The following SPAG16 variants were observed in gnomAD, a reference collection of about 807,000 sequenced individuals.
The protein encoded by SPAG16 is sperm-associated antigen 16 protein.
A neutral mutation model predicts 80.4 loss-of-function variants in SPAG16; 86 were observed. The ratio of observed to expected loss-of-function variants is 1.07; its 90% confidence interval spans 0.90 to 1.28. The LOEUF is 1.28. Ranked by LOEUF, SPAG16 falls within the 50% of genes most tolerant of loss-of-function variation. The pLI is 0.00. For missense variants in SPAG16, 870 were observed against 765.3 expected, an observed-to-expected ratio of 1.14 and a Z score of -1.61; for synonymous variants, 294 against 265.9, an observed-to-expected ratio of 1.11 and a Z score of -1.03.
chr2:214,042,841 G>A (rs1019479332), intron 13 of SPAG16, among the ~76,000 whole-genome samples: 2 of 152,104 alleles, frequency 1.3e-5, no homozygotes, highest in Admixed American at 1.3e-4. Flanking sequence ...ACCTTTGTTA[G>A]AGGGAAGTTT....
intron 9 of SPAG16, among the ~76,000 whole-genome samples, chr2:213,482,426 C>T (rs2073791167): frequency 6.6e-6 from 1 of 152,196 alleles, no homozygotes; most frequent in African/African-American, 2.4e-5. Context: ...ATGTCAGCAG[C>T]AAAAATTAGT....
intron 5 of SPAG16, among the ~76,000 whole-genome samples, chr2:213,338,559 A>T (rs976937132): frequency 6.6e-6 from 1 of 152,218 alleles, no homozygotes; most frequent in African/African-American, 2.4e-5. Context: ...AGACACATGC[A>T]TGTGTATGTT....
chr2:213,348,683 T>A (rs150476213), intron 6 of SPAG16, among the ~76,000 whole-genome samples: 1 of 152,334 alleles, frequency 6.6e-6, no homozygotes, highest in African/African-American at 2.4e-5. Flanking sequence ...AATTCTTTTC[T>A]TTCAGAATGT....
At chr2:214,262,789 A>G (rs1446023875) in intron 15 of SPAG16, among the ~76,000 whole-genome samples, 1 of 152,148 alleles carries the variant, frequency 6.6e-6, no homozygotes, top group African/African-American at 2.4e-5. Flanking sequence ...TATCAAAGGA[A>G]TAATGACGCA....
intron 10 of SPAG16, among the ~76,000 whole-genome samples, chr2:213,679,544 G>A (rs1164075955): frequency 5.5e-5 from 3 of 54,112 alleles, no homozygotes; most frequent in South Asian, 8.4e-4. Flanking sequence ...TTTTAAAAAC[G>A]TGGAGAAACT....
At chr2:213,966,329 T>G (rs770258875) in intron 12 of SPAG16, among the ~76,000 whole-genome samples, 2 of 152,220 alleles carry the variant, frequency 1.3e-5, no homozygotes, top group Non-Finnish European at 2.9e-5. Context: ...GTATTCCCTT[T>G]GTATAATTTT....
intron 6 of SPAG16, among the ~76,000 whole-genome samples, chr2:213,347,300 T>C (rs1171738159): frequency 1.3e-5 from 2 of 152,090 alleles, no homozygotes; most frequent in Non-Finnish European, 2.9e-5. Flanking sequence ...GTCTTGCTAG[T>C]GGTCTCTCAA....
chr2:213,991,884 T>TTTATTTAC (rs1553689450), intron 12 of SPAG16, among the ~76,000 whole-genome samples: 11 of 151,276 alleles, frequency 7.3e-5, no homozygotes, highest in African/African-American at 2.7e-4. Flanking sequence ...TATTTATTTA[T>TTTATTTAC]TTATTTATTC....
chr2:213,635,707 T>A (rs1452162595), intron 10 of SPAG16, among the ~76,000 whole-genome samples: 1 of 152,218 alleles, frequency 6.6e-6, no homozygotes, highest in Non-Finnish European at 1.5e-5. Flanking sequence ...ATGAAAAAAA[T>A]TAGTGACTGA....
intron 12 of SPAG16, among the ~76,000 whole-genome samples, chr2:214,007,239 G>T (rs1193536729): frequency 6.6e-6 from 1 of 151,602 alleles, no homozygotes; most frequent in Non-Finnish European, 1.5e-5. Context: ...TGGAAGATTT[G>T]GTATATGAAT....
chr2:214,337,487 G>T (rs563665573), intron 15 of SPAG16, among the ~76,000 whole-genome samples: 3 of 152,310 alleles, frequency 2.0e-5, no homozygotes, highest in Admixed American at 6.5e-5. Flanking sequence ...CATGATAATG[G>T]CAGTCATATC....
intron 10 of SPAG16, among the ~76,000 whole-genome samples, chr2:213,638,785 T>A (rs1040866392): frequency 1.3e-5 from 2 of 152,186 alleles, no homozygotes; most frequent in African/African-American, 4.8e-5. Flanking sequence ...AGTTTAAGTC[T>A]GTTGTTTATT....
At chr2:214,253,205 C>G (rs553937468) in intron 15 of SPAG16, among the ~76,000 whole-genome samples, 21 of 151,526 alleles carry the variant, frequency 1.4e-4, no homozygotes, top group African/African-American at 4.8e-4. Flanking sequence ...GGATATTAGC[C>G]CTTTGTCCAA....
intron 5 of SPAG16, 109 bp from the exon 6 acceptor site, chr2:213,340,054 G>C: frequency 1.5e-6 from 1 of 674,692 alleles, no homozygotes; most frequent in Non-Finnish European, 2.5e-6. Flanking sequence ...CAAAATATTT[G>C]TTTTCCTATT....
At chr2:213,465,905 G>C (rs2125632719) in intron 9 of SPAG16, among the ~76,000 whole-genome samples, 1 of 152,304 alleles carries the variant, frequency 6.6e-6, no homozygotes, top group South Asian at 2.1e-4. Context: ...TCCTGGGTGT[G>C]TGTTTGATGG....
chr2:214,277,251 T>A (rs575845257), intron 15 of SPAG16, among the ~76,000 whole-genome samples: 208 of 152,154 alleles, frequency 1.4e-3, no homozygotes, highest in African/African-American at 4.7e-3. Context: ...TTTAGCTCCT[T>A]TAGCTTGTTA....
chr2:214,351,657 G>A (rs575269968), intron 15 of SPAG16, among the ~76,000 whole-genome samples: 4 of 151,786 alleles, frequency 2.6e-5, no homozygotes, highest in Non-Finnish European at 5.9e-5. Context: ...GAGCCGAGAT[G>A]GCATCACTGC....
At chr2:213,674,910 T>C (rs538512525) in intron 10 of SPAG16, among the ~76,000 whole-genome samples, 2,225 of 149,710 alleles carry the variant, frequency 0.015, 37 homozygotes, top group Middle Eastern at 0.034. Context: ...AGTAATGGGA[T>C]GGCTGAGTCA....
chr2:213,890,093 C>T (rs2076729684), intron 11 of SPAG16, among the ~76,000 whole-genome samples: 1 of 151,910 alleles, frequency 6.6e-6, no homozygotes, highest in African/African-American at 2.4e-5. Flanking sequence ...TTCAATAAAG[C>T]AACATCAGCC....
Sources: allele counts gnomAD v4.1 joint callset (sites outside exome capture counted in the v4.1 genomes callset), GRCh38; gene constraint gnomAD v4.1.1; transcripts MANE v1.5; gene names NCBI Gene and HGNC (gene_info 2026-07-23, HGNC 2026-07-21).